GPR139: variants seen among roughly 807,000 people sequenced by gnomAD.
GPR139 encodes the protein probable G protein-coupled receptor 139.
Under a neutral mutation model 25.8 loss-of-function variants are expected in GPR139, and 12 were observed. The observed-to-expected ratio is 0.47, with a 90% confidence interval of 0.30 to 0.75. GPR139 has a LOEUF of 0.75. GPR139 is among the 30% of genes least tolerant of loss of function. GPR139 has a pLI of 0.07. For missense variants in GPR139, 380 were observed against 450.2 expected (o/e 0.84, Z 1.41); for synonymous variants, 184 against 179.9 (o/e 1.02, Z -0.18).
chr16:20,073,153 C>A lies in GPR139; in HGVS notation c.127+337G>T, dbSNP rs2608183. Reference sequence around the variant, plus strand: ...AGCCAAACACACACAAAGCCCTCTACGCCCCCACCCCATGAAAGCCGCCCC... The same window carrying A: ...AGCCAAACACACACAAAGCCCTCTAAGCCCCCACCCCATGAAAGCCGCCCC... On this transcript the variant is annotated intron_variant, in intron 1 of 1. Coordinates refer to ENST00000570682, the MANE Select transcript of GPR139 (RefSeq NM_001002911.4). The surrounding 1 kb of genome is among the most constrained non-coding windows in gnomAD (Gnocchi z 4.7). Among the ~76,000 whole-genome samples the A allele has an allele frequency of 0.088, 13,382 of 151,548 alleles. 1,827 individuals are homozygous for A. Among genetic ancestry groups the A allele is most frequent in the African/African-American group, 0.29 (11,961 of 41,170 alleles).
At chr16:20,067,195 G>A (rs918138763) in intron 1 of GPR139, among the ~76,000 whole-genome samples, 2 of 152,170 alleles carry the variant, frequency 1.3e-5, no homozygotes, top group African/African-American at 2.4e-5. Context: ...CAAAAATGCT[G>A]TACTGGATCC....
intron 1 of GPR139, among the ~76,000 whole-genome samples, chr16:20,034,697 G>A (rs944829925): frequency 1.3e-5 from 2 of 152,110 alleles, no homozygotes; most frequent in African/African-American, 4.8e-5. Flanking sequence ...ACATCACTGT[G>A]CCCAGCCTTT....
chr16:20,065,604 G>T (rs2057429549), intron 1 of GPR139, among the ~76,000 whole-genome samples: 1 of 152,078 alleles, frequency 6.6e-6, no homozygotes, highest in Admixed American at 6.5e-5. Context: ...AGGCGCATTG[G>T]TCACACCTGT....
intron 1 of GPR139, among the ~76,000 whole-genome samples, chr16:20,041,136 G>C (rs560566371): frequency 0.035 from 15 of 430 alleles, 1 homozygote; most frequent in Middle Eastern, 0.33. Context: ...GAAAGGAGAG[G>C]AGAGGAGAGG....
chr16:20,044,447 T>C (rs1397534677), intron 1 of GPR139, among the ~76,000 whole-genome samples: 1 of 152,158 alleles, frequency 6.6e-6, no homozygotes, highest in African/African-American at 2.4e-5. Context: ...AGTGAGTTCA[T>C]AATAGGCAAT....
rs561261217 is a variant in GPR139, at chr16:20,033,998, A to T, written c.128-1329T>A. Among the ~76,000 whole-genome samples, 34 of 151,632 alleles carry T rather than the reference A, an allele frequency of 2.2e-4. No homozygotes were observed. In the South Asian group the frequency reaches 7.1e-3, roughly 31 times the overall value. On this transcript the variant is annotated intron_variant, in intron 1 of 1. Coordinates refer to ENST00000570682, the MANE Select transcript of GPR139 (RefSeq NM_001002911.4). ...TCTGATCAGTTTTTTTTTTAAAAAA[A>T]GTCTCCCTGAATTAAGCATATTTAG... is the stretch of plus-strand genomic sequence containing the variant.
chr16:20,062,991 G>A (rs72772768), intron 1 of GPR139, among the ~76,000 whole-genome samples: 1 of 152,166 alleles, frequency 6.6e-6, no homozygotes, highest in South Asian at 2.1e-4. Flanking sequence ...GATTGAAAGA[G>A]TAGATTCACA....
chr16:20,068,539 G>A (rs1783374921), intron 1 of GPR139, among the ~76,000 whole-genome samples: 1 of 152,068 alleles, frequency 6.6e-6, no homozygotes, highest in African/African-American at 2.4e-5. Flanking sequence ...TTCTAGGAAG[G>A]CCATTGTATC....
At chr16:20,053,335 G>T (rs1261924121) in intron 1 of GPR139, among the ~76,000 whole-genome samples, 1 of 152,164 alleles carries the variant, frequency 6.6e-6, no homozygotes, top group Non-Finnish European at 1.5e-5. Context: ...ACTCAAAGGT[G>T]CCCAGACCTT....
intron 1 of GPR139, among the ~76,000 whole-genome samples, chr16:20,034,842 G>T (rs2057304463): frequency 6.6e-6 from 1 of 152,000 alleles, no homozygotes; most frequent in Non-Finnish European, 1.5e-5. Context: ...TTTTGCTGTA[G>T]GAACTTACTG....
At chr16:20,039,419 T>C (rs1320762312) in intron 1 of GPR139, among the ~76,000 whole-genome samples, 1 of 152,232 alleles carries the variant, frequency 6.6e-6, no homozygotes, top group Non-Finnish European at 1.5e-5. Context: ...CTACATTGCC[T>C]TTTTCTTGTC....
chr16:20,073,568 A>G lies in GPR139; in HGVS notation c.49T>C (p.Trp17Arg). ...HLAANSSLSW[W>R]SPGSACGLGF... ...AAGCCGCAGGCCGAGCCGGGGGACC[A>G]CCAAGACAGCGAGCTGTTGGCTGCG... Residue 17 changes from tryptophan to arginine, a missense_variant, in exon 1 of 2, where the codon TGG (tryptophan) becomes CGG (arginine). Transcript: ENST00000570682. This position sits in a 1 kb window ranked among gnomAD's most constrained non-coding sequence, Gnocchi z 4.7. 6.2e-7 allele frequency: 1 copy of G among 1,612,044 alleles called. No homozygotes were observed.
At position 20,031,742 on chromosome 16, in the gene GPR139, G is replaced by A; in HGVS notation, c.1055C>T (p.Ser352Phe). ...GTTGCCACACCTATGGAATCACGGG[G>A]ATACTTTTATAGGTTTTCCATTTTT... is the stretch of plus-strand genomic sequence containing the variant. ...YDKNGKPIKVSP is the reference protein window; with the variant it reads ...YDKNGKPIKVFP The change falls in exon 2 of 2, where the codon TCC becomes TTC. Residue 352 changes from serine (S) to phenylalanine (F), a missense_variant. Physicochemically the swap from Ser to Phe is radical, Grantham distance 155 (BLOSUM62 -2). Coordinates refer to ENST00000570682, the MANE Select transcript of GPR139 (RefSeq NM_001002911.4). The A allele has an allele frequency of 6.2e-7, 1 of 1,613,162 alleles. No individual in the cohort carries two copies. The highest frequency in any genetic ancestry group is 8.5e-7 in the Non-Finnish European group (1 of 1,179,204).
At position 20,073,627 on chromosome 16, in the gene GPR139, C is replaced by T. The variant is rs910655606; in HGVS notation, c.-11G>A. Reference sequence around the variant, plus strand: ...GTGCGTGTGCTCCATGAGCGCGCCCCTCGCTCCCCTTGCCGCTTCGCGCCC... The same window carrying T: ...GTGCGTGTGCTCCATGAGCGCGCCCTTCGCTCCCCTTGCCGCTTCGCGCCC... On this transcript the variant is annotated 5_prime_UTR_variant, in exon 1 of 2. Coordinates refer to ENST00000570682, the MANE Select transcript of GPR139 (RefSeq NM_001002911.4). This position sits in a 1 kb window ranked among gnomAD's most constrained non-coding sequence, Gnocchi z 4.7. The T allele has an allele frequency of 1.9e-6, 3 of 1,580,088 alleles. No individual in the cohort carries two copies. The highest frequency in any genetic ancestry group is 2.7e-5 in the African/African-American group (2 of 73,564).
At chr16:20,062,534 C>T (rs555673218) in intron 1 of GPR139, among the ~76,000 whole-genome samples, 1 of 152,296 alleles carries the variant, frequency 6.6e-6, no homozygotes. Context: ...ACATAAGCCC[C>T]CTAGTCTATG....
intron 1 of GPR139, among the ~76,000 whole-genome samples, chr16:20,070,235 G>A (rs930590264): frequency 2.1e-4 from 32 of 152,156 alleles, no homozygotes; most frequent in Non-Finnish European, 3.4e-4. Flanking sequence ...GGTATAGGTC[G>A]CAGAGGTGTG....
intron 1 of GPR139, among the ~76,000 whole-genome samples, chr16:20,072,813 G>C (rs2057464372): frequency 6.6e-6 from 1 of 152,208 alleles, no homozygotes. Context: ...TCCTCAAGGA[G>C]ACTGTGACCC....
At chr16:20,059,536 C>T (rs1236084116) in intron 1 of GPR139, among the ~76,000 whole-genome samples, 1 of 152,204 alleles carries the variant, frequency 6.6e-6, no homozygotes, top group African/African-American at 2.4e-5. Flanking sequence ...TTCTTGACCA[C>T]CCAACCTAAT....
intron 1 of GPR139, among the ~76,000 whole-genome samples, chr16:20,057,895 G>C (rs2057396103): frequency 3.3e-5 from 5 of 152,084 alleles, no homozygotes; most frequent in Admixed American, 3.3e-4. Flanking sequence ...TACCTAACTA[G>C]AGCGTGACTT....
Sources: gnomAD v4.1 joint callset for allele counts (sites outside exome capture counted in the v4.1 genomes callset) on GRCh38, gnomAD v4.1.1 for gene constraint, Gnocchi (gnomAD v3.1) non-coding constraint, MANE v1.5 for transcripts, NCBI Gene and HGNC (gene_info 2026-07-23, HGNC 2026-07-21) for gene names.